KHNYN: variants seen among roughly 807,000 people sequenced by gnomAD.
KHNYN encodes the protein protein KHNYN.
KHNYN carries 42 observed loss-of-function variants against 62.7 expected under a neutral mutation model. The observed-to-expected ratio is 0.67, with a 90% CI of 0.52 to 0.87. The LOEUF is 0.87. Among genes scored for constraint, KHNYN ranks in the 40% least tolerant of loss-of-function variants. KHNYN has a pLI of 0.00. For missense variants in KHNYN, 829 were observed against 874.1 expected, an observed-to-expected ratio of 0.95 and a Z score of 0.65; for synonymous variants, 347 against 345.6, an observed-to-expected ratio of 1.00 and a Z score of -0.04.
intron 1 of KHNYN, 97 bp from the exon 2 acceptor site, chr14:24,430,617 T>C: frequency 6.8e-7 from 1 of 1,479,108 alleles, no homozygotes; most frequent in Non-Finnish European, 9.0e-7. Flanking sequence ...ACCAGAGCCT[T>C]AACTAGGTGC....
At chr14:24,429,112 G>A (rs932013420), upstream of KHNYN, 3 of 1,446,836 alleles carry the variant, frequency 2.1e-6, no homozygotes, top group Non-Finnish European at 2.7e-6. Flanking sequence ...TTCTGTTTCC[G>A]CTCCTCTCCC....
chr14:24,436,871 CTT>C (rs1288250244), intron 7 of KHNYN, among the ~76,000 whole-genome samples, 163 bp from the exon 8 acceptor site: 1 of 152,184 alleles, frequency 6.6e-6, no homozygotes, highest in African/African-American at 2.4e-5. Flanking sequence ...CCCATCTTCC[CTT>C]CAGAAGTGGG....
At chr14:24,427,853 C>G (rs201500795), upstream of KHNYN, 3 of 1,614,100 alleles carry the variant, frequency 1.9e-6, no homozygotes, top group South Asian at 1.1e-5. This position sits in a 1 kb window ranked among gnomAD's most constrained non-coding sequence, Gnocchi z 4.4. Flanking sequence ...TAGATTCCCC[C>G]GACGCAGGCG....
In KHNYN at chr14:24,432,350, A is replaced by T. The variant is rs941621054; in HGVS notation, c.1089A>T (p.Ala363=). The part of the protein sequence containing the change: ...SPPRVPSPPP[A]PEPPWHCGDR... Reference sequence around the variant, plus strand: ...CGAGGGTGCCCAGCCCTCCACCTGCACCGGAACCCCCATGGCACTGTGGAG... The same window carrying T: ...CGAGGGTGCCCAGCCCTCCACCTGCTCCGGAACCCCCATGGCACTGTGGAG... Residue 363 remains alanine (A), a synonymous_variant, in exon 3 of 8, where the codon GCA becomes GCT. Transcript: ENST00000553935. This position sits in a 1 kb window ranked among gnomAD's most constrained non-coding sequence, Gnocchi z 5.6. 1.9e-6 allele frequency: 3 copies of T among 1,613,854 alleles called. No homozygotes were observed. The African/African-American group carries it at 4.0e-5, about 22-fold the overall frequency.
At position 24,431,768 on chromosome 14, in the gene KHNYN, G is replaced by T. The variant is rs141571326; in HGVS notation, c.507G>T (p.Gln169His). The T allele has an allele frequency of 1.9e-6, 3 of 1,614,064 alleles. No homozygotes were observed. The African/African-American group carries it at 4.0e-5, about 22-fold the overall frequency. The change falls in exon 3 of 8, where the codon CAG becomes CAT. Residue 169 changes from glutamine (Q) to histidine (H), a missense_variant. Around this residue, in one of 2 missense-constraint regions of KHNYN, gnomAD observed 559 missense variants for 527.0 expected, o/e 1.06. Transcript: ENST00000553935. ...GVLRDFSALL[Q>H]SPGDAHREAL... is the part of the protein sequence containing the mutation. ...TGAGAGACTTCTCTGCCCTGCTGCA[G>T]TCCCCGGGGGATGCCCATAGAGAGG...
At chr14:24,431,134 C>T (rs987238873) in intron 2 of KHNYN, among the ~76,000 whole-genome samples, 12 of 152,220 alleles carry the variant, frequency 7.9e-5, no homozygotes, top group Non-Finnish European at 1.8e-4. Context: ...AGCTTAATTT[C>T]TTCTGTGATG....
Position 24,431,662 on chromosome 14 carries a change from G to T in KHNYN, c.401G>T (p.Arg134Leu), listed in dbSNP as rs186526733. 4 of 1,614,140 alleles carry T rather than the reference G, an allele frequency of 2.5e-6. No individual in the cohort carries two copies. Among genetic ancestry groups the T allele is most frequent in the Non-Finnish European group, 3.4e-6 (4 of 1,180,024 alleles). The change falls in exon 3 of 8, where the codon CGG becomes CTG. Residue 134 changes from arginine (R) to leucine (L), a missense_variant. Physicochemically the swap from Arg to Leu is moderately radical, Grantham distance 102. Around this residue, in one of 2 missense-constraint regions of KHNYN, gnomAD observed 559 missense variants for 527.0 expected, o/e 1.06. Coordinates refer to ENST00000553935, the MANE Select transcript of KHNYN (RefSeq NM_015299.3). ...GAAGCCTTTGTCATGGCTCAGAGCC[G>T]GGTAGAAGAGCTGGCAGAGCGGCTG... ...LTEAFVMAQS[R>L]VEELAERLSW...
rs201865363 is a variant in KHNYN at position 24,432,101 on chromosome 14, G to T, written c.840G>T (p.Ala280=). ...GGAAGGAGTTGCCTGGGGAAGAGGCGTGGGAGAGAGAAGTGGCCCTCAGGC... is the reference window on the plus strand; with the variant it reads ...GGAAGGAGTTGCCTGGGGAAGAGGCTTGGGAGAGAGAAGTGGCCCTCAGGC... ...WGWKELPGEE[A]WEREVALRPQ... The change falls in exon 3 of 8, where the codon GCG becomes GCT. Residue 280 remains alanine, a synonymous_variant. Transcript: ENST00000553935. The surrounding 1 kb of genome is among the most constrained non-coding windows in gnomAD (Gnocchi z 5.6). The T allele has an allele frequency of 4.5e-5, 70 of 1,557,404 alleles. No individual in the cohort carries two copies. In the Admixed American group the frequency reaches 6.7e-4, roughly 15 times the overall value.
At chr14:24,428,928 C>G, upstream of KHNYN, 1 of 1,559,582 alleles carries the variant, frequency 6.4e-7, no homozygotes, top group Non-Finnish European at 8.7e-7. Flanking sequence ...AGGCACTCCC[C>G]CTCCAGCAGG....
chr14:24,426,283 C>A (rs2043019330), upstream of KHNYN, among the ~76,000 whole-genome samples: 1 of 152,172 alleles, frequency 6.6e-6, no homozygotes, highest in South Asian at 2.1e-4. Context: ...TCTTTGCTTT[C>A]TGTCATCAAC....
chr14:24,437,089 G>A lies in KHNYN; in HGVS notation c.1841G>A (p.Gly614Asp), dbSNP rs151336300. 155 of 1,614,204 alleles carry A rather than the reference G, an allele frequency of 9.6e-5. No individual in the cohort carries two copies. In the African/African-American group the frequency reaches 1.8e-3, roughly 18 times the overall value. The change falls in exon 8 of 8, where the codon GGT (glycine) becomes GAT (aspartate). Residue 614 changes from glycine to aspartate, a missense_variant. Physicochemically the swap from Gly to Asp is moderately conservative, Grantham distance 94. Transcript: ENST00000553935. This position sits in a 1 kb window ranked among gnomAD's most constrained non-coding sequence, Gnocchi z 5.5. ...CCTTCCAGGGGCTTTGCAGAACATG[G>A]TAAACAGCAGCAGGGGAGAGAAGAG... is the stretch of plus-strand genomic sequence containing the variant. Reference protein sequence around the residue: ...QHPSRGFAEHGKQQQGREEEK... With the variant: ...QHPSRGFAEHDKQQQGREEEK...
chr14:24,428,688 T>C (rs2043050396), upstream of KHNYN: 1 of 1,495,634 alleles, frequency 6.7e-7, no homozygotes, highest in Non-Finnish European at 9.0e-7. Context: ...CAAAGTGGGC[T>C]TGGACAGTTG....
rs1185427127 is a variant in KHNYN, at chr14:24,440,445, G to A, written c.*3160G>A. On this transcript the variant is annotated 3_prime_UTR_variant, in exon 8 of 8. Coordinates refer to ENST00000553935, the MANE Select transcript of KHNYN (RefSeq NM_015299.3). ...GGGCCCCCCAGGCCCAGGCGAAAGGGCAGCAGCATGTGGCCCATGGCACCA... is the reference window on the plus strand; with the variant it reads ...GGGCCCCCCAGGCCCAGGCGAAAGGACAGCAGCATGTGGCCCATGGCACCA... The A allele has an allele frequency of 1.2e-6, 2 of 1,611,284 alleles. No individual in the cohort carries two copies. Among genetic ancestry groups the A allele is most frequent in the Non-Finnish European group, 1.7e-6 (2 of 1,178,822 alleles).
upstream of KHNYN, chr14:24,429,032 C>A: frequency 6.6e-7 from 1 of 1,519,048 alleles, no homozygotes. Flanking sequence ...ACCTGGTAGC[C>A]AGTGTGGCTT....
At position 24,440,269 on chromosome 14, in the gene KHNYN, C is replaced by G. The variant is rs3211056; in HGVS notation, c.*2984C>G. ...AGGCTCGGCGGCCCAGGGCAGCACC[C>G]AAGGTCTGGGCAAACTCAGCATTAG... is the stretch of plus-strand genomic sequence containing the variant. On this transcript the variant is annotated 3_prime_UTR_variant, in exon 8 of 8. Coordinates refer to ENST00000553935, the MANE Select transcript of KHNYN (RefSeq NM_015299.3). 1,421,112 of 1,613,732 alleles carry G rather than the reference C, an allele frequency of 0.88. 631,644 individuals are homozygous for G. The highest frequency in any genetic ancestry group is 0.9 in the Non-Finnish European group (1,065,593 of 1,179,770).
chr14:24,441,231 G>T lies in KHNYN; in HGVS notation c.*3946G>T. 2.0e-6 allele frequency: 1 copy of T among 491,096 alleles called. No homozygotes were observed. Among genetic ancestry groups the T allele is most frequent in the South Asian group, 2.1e-5 (1 of 48,562 alleles). 30.4% of individuals were successfully genotyped at this position (491,096 alleles called of 1,614,324 possible). A position where few individuals can be genotyped will look rare whatever the true frequency, so the allele number is the denominator to read the frequency against. On this transcript the variant is annotated 3_prime_UTR_variant, in exon 8 of 8. Transcript: ENST00000553935. ...TTATTAACTCTCTGACTTGATGCAA[G>T]TTACTTAACCTCTCTGTATAGAATT...
In KHNYN at chr14:24,431,978, T is replaced by A; in HGVS notation, c.717T>A (p.Ser239=). The A allele has an allele frequency of 5.6e-6, 9 of 1,612,348 alleles. No homozygotes were observed. Among genetic ancestry groups the A allele is most frequent in the Non-Finnish European group, 2.5e-6 (3 of 1,178,798 alleles). The change falls in exon 3 of 8, where the codon TCT becomes TCA. Residue 239 remains serine (S), a synonymous_variant. Transcript: ENST00000553935. The part of the protein sequence containing the change: ...SDGRESLDTG[S]MGPGDCRGAR... ...GCAGGGAGTCCCTGGACACTGGATCTATGGGACCCGGAGATTGCAGGGGAG... is the reference window on the plus strand; with the variant it reads ...GCAGGGAGTCCCTGGACACTGGATCAATGGGACCCGGAGATTGCAGGGGAG...
upstream of KHNYN, chr14:24,427,891 G>A (rs2043036124): frequency 6.2e-7 from 1 of 1,614,120 alleles, no homozygotes; most frequent in African/African-American, 1.3e-5. This position sits in a 1 kb window ranked among gnomAD's most constrained non-coding sequence, Gnocchi z 4.4. Flanking sequence ...CAGGGTCCAA[G>A]GGCAGTAGCA....
Position 24,432,405 on chromosome 14 carries a change from G to C in KHNYN, c.1144G>C (p.Val382Leu). ...GGGTGACTGCGGAGACCGGGGAGACGTGGGGGACAGGGGAGACAAGCAGCA... is the reference window on the plus strand; with the variant it reads ...GGGTGACTGCGGAGACCGGGGAGACCTGGGGGACAGGGGAGACAAGCAGCA... The part of the protein sequence containing the change: ...DRGDCGDRGD[V>L]GDRGDKQQGM... The change falls in exon 3 of 8, where the codon GTG (valine) becomes CTG (leucine). Residue 382 changes from valine to leucine, a missense_variant. Physicochemically the swap from Val to Leu is conservative, Grantham distance 32. Around this residue, in one of 2 missense-constraint regions of KHNYN, gnomAD observed 559 missense variants for 527.0 expected, o/e 1.06. Transcript: ENST00000553935. This position sits in a 1 kb window ranked among gnomAD's most constrained non-coding sequence, Gnocchi z 5.6. The C allele has an allele frequency of 6.2e-7, 1 of 1,613,554 alleles. No homozygotes were observed. Among genetic ancestry groups the C allele is most frequent in the South Asian group, 1.1e-5 (1 of 91,064 alleles).
Sources: allele counts gnomAD v4.1 joint callset (sites outside exome capture counted in the v4.1 genomes callset), GRCh38; gene constraint gnomAD v4.1.1; regional missense constraint gnomAD v4.1.1; non-coding constraint Gnocchi (gnomAD v3.1); transcripts MANE v1.5; gene names NCBI Gene and HGNC (gene_info 2026-07-23, HGNC 2026-07-21).